The following ENDOD1 variants were observed in gnomAD, a reference collection of about 807,000 sequenced individuals.
The protein encoded by ENDOD1 is endonuclease domain containing 1.
In ENDOD1, 9 loss-of-function variants were observed where a neutral mutation model predicts 6.5. The observed-to-expected ratio is 1.39, with a 90% confidence interval of 0.84 to 2.43. ENDOD1 has a LOEUF of 2.43. Among genes scored for constraint, ENDOD1 ranks in the 30% most tolerant of loss-of-function variants. The pLI, the probability that ENDOD1 is intolerant of heterozygous loss-of-function variation, is 0.00. For missense variants in ENDOD1, 648 were observed against 635.5 expected, an observed-to-expected ratio of 1.02 and a Z score of -0.21; for synonymous variants, 255 against 255.2, an observed-to-expected ratio of 1.00 and a Z score of 0.01.
At chr11:95,091,198 C>G (rs1008188022) in intron 1 of ENDOD1, among the ~76,000 whole-genome samples, 30 of 152,302 alleles carry the variant, frequency 2.0e-4, no homozygotes, top group African/African-American at 6.3e-4. Context: ...GCCTCCCACC[C>G]CTGCCCAGGC....
chr11:95,126,941 C>T (rs1399032797), intron 1 of ENDOD1, among the ~76,000 whole-genome samples: 1 of 152,162 alleles, frequency 6.6e-6, no homozygotes, highest in East Asian at 1.9e-4. Context: ...CTGCCTCGGC[C>T]TCTCAAAGTG....
At chr11:95,091,912 A>G (rs532915563) in intron 1 of ENDOD1, among the ~76,000 whole-genome samples, 2 of 152,176 alleles carry the variant, frequency 1.3e-5, no homozygotes, top group African/African-American at 4.8e-5. Context: ...AGATAATAGC[A>G]TAGGGTGGTG....
rs746458945 is a variant in ENDOD1 at position 95,128,716 on chromosome 11, G to A, written c.640G>A (p.Ala214Thr). 2 of 1,614,204 alleles carry A rather than the reference G, an allele frequency of 1.2e-6. No individual in the cohort carries two copies. The highest frequency in any genetic ancestry group is 1.7e-6 in the Non-Finnish European group (2 of 1,180,042). The change falls in exon 2 of 2, where the codon GCA (alanine) becomes ACA (threonine). Residue 214 changes from alanine (A) to threonine (T), a missense_variant. By Grantham distance (58) the Ala-to-Thr change is moderately conservative. Transcript: ENST00000278505. The part of the protein sequence containing the change: ...PSDYRVKDKV[A>T]VPEFVWLAAC... ...AGACTACAGAGTTAAAGACAAAGTG[G>A]CAGTCCCTGAGTTTGTTTGGCTGGC...
At position 95,099,315 on chromosome 11, in the gene ENDOD1, G is replaced by A. The variant is rs190474844; in HGVS notation, c.300+9088G>A. Among the ~76,000 whole-genome samples, 6 of 152,374 alleles carry A rather than the reference G, an allele frequency of 3.9e-5. No homozygotes were observed. In the East Asian group the frequency reaches 1.2e-3, roughly 29 times the overall value. On this transcript the variant is annotated intron_variant, in intron 1 of 1. Coordinates refer to ENST00000278505, the MANE Select transcript of ENDOD1 (RefSeq NM_015036.3). ...CGGAGATAAGAGGGTAGGGGATAGA[G>A]TCTTGCATCTCTGGGCGTATGGAGA...
At chr11:95,107,897 G>A (rs1859106601) in intron 1 of ENDOD1, among the ~76,000 whole-genome samples, 1 of 152,044 alleles carries the variant, frequency 6.6e-6, no homozygotes, top group Non-Finnish European at 1.5e-5. Context: ...TCGATCTCCT[G>A]ACCTCGTGAT....
At chr11:95,111,055 G>T (rs1420198057) in intron 1 of ENDOD1, among the ~76,000 whole-genome samples, 1 of 152,194 alleles carries the variant, frequency 6.6e-6, no homozygotes, top group Non-Finnish European at 1.5e-5. Context: ...AGCGAGCAGT[G>T]TTGGTACTGG....
intron 1 of ENDOD1, among the ~76,000 whole-genome samples, chr11:95,117,926 G>A (rs141232540): frequency 0.016 from 2,371 of 152,088 alleles, 55 homozygotes; most frequent in African/African-American, 0.054. Context: ...TGTATCTGCT[G>A]TATATTTTTT....
rs143051076 is a variant in ENDOD1 at position 95,128,994 on chromosome 11, T to C, written c.918T>C (p.Ser306=). The stretch of plus-strand genomic sequence containing the variant: ...CTCAAAAGAGTTCTAGTCCCCTTTC[T>C]AGCACCAGGAGCAAGAGGTCTACTC... ...VQSQKSSSPL[S]STRSKRSTLL... Residue 306 remains serine, a synonymous_variant, in exon 2 of 2, where the codon TCT becomes TCC. Coordinates refer to ENST00000278505, the MANE Select transcript of ENDOD1 (RefSeq NM_015036.3). 19 of 1,613,966 alleles carry C rather than the reference T, an allele frequency of 1.2e-5. No homozygotes were observed. The East Asian group carries it at 4.0e-4, about 34-fold the overall frequency.
intron 1 of ENDOD1, among the ~76,000 whole-genome samples, chr11:95,096,704 C>T (rs1858988523): frequency 6.6e-6 from 1 of 152,132 alleles, no homozygotes; most frequent in African/African-American, 2.4e-5. Flanking sequence ...TAAGAAAGCC[C>T]TGAGCCCTCT....
At chr11:95,119,526 C>G (rs1269351547) in intron 1 of ENDOD1, among the ~76,000 whole-genome samples, 1 of 152,244 alleles carries the variant, frequency 6.6e-6, no homozygotes, top group African/African-American at 2.4e-5. Context: ...CAGAGTCTCT[C>G]TCTCTGGTCT....
intron 1 of ENDOD1, among the ~76,000 whole-genome samples, chr11:95,113,013 A>G (rs1859165144): frequency 6.6e-6 from 1 of 150,858 alleles, no homozygotes; most frequent in Admixed American, 6.6e-5. Flanking sequence ...TGGGCAAATT[A>G]CTGAAGCTTT....
chr11:95,095,296 A>G (rs1472801732), intron 1 of ENDOD1, among the ~76,000 whole-genome samples: 1 of 76,994 alleles, frequency 1.3e-5, no homozygotes, highest in Non-Finnish European at 3.8e-5. Context: ...AACAGGTACC[A>G]AAGACATCTC....
chr11:95,099,154 G>C (rs1186520095), intron 1 of ENDOD1, among the ~76,000 whole-genome samples: 1 of 152,100 alleles, frequency 6.6e-6, no homozygotes, highest in Non-Finnish European at 1.5e-5. Context: ...GATCCATCTT[G>C]AGCTCTTCCT....
intron 1 of ENDOD1, among the ~76,000 whole-genome samples, chr11:95,094,141 T>C (rs1858958010): frequency 6.7e-6 from 1 of 148,284 alleles, no homozygotes; most frequent in Non-Finnish European, 1.5e-5. Context: ...AATTAATATA[T>C]TATACATATT....
intron 1 of ENDOD1, among the ~76,000 whole-genome samples, chr11:95,125,434 C>T (rs1859301926): frequency 6.6e-6 from 1 of 151,792 alleles, no homozygotes; most frequent in Admixed American, 6.6e-5. Context: ...AATGAATGAG[C>T]TTCTTTATTA....
At chr11:95,122,599 C>CAG (rs1205236200) in intron 1 of ENDOD1, among the ~76,000 whole-genome samples, 3 of 149,710 alleles carry the variant, frequency 2.0e-5, no homozygotes, top group African/African-American at 7.3e-5. Flanking sequence ...TACACACACA[C>CAG]ACACACACAC....
intron 1 of ENDOD1, among the ~76,000 whole-genome samples, chr11:95,119,149 C>T (rs1555112727): frequency 6.6e-6 from 1 of 152,180 alleles, no homozygotes; most frequent in South Asian, 2.1e-4. Context: ...ATCTCTGTTT[C>T]TCCAGGATTG....
intron 1 of ENDOD1, among the ~76,000 whole-genome samples, chr11:95,099,661 A>G (rs942472194): frequency 3.9e-5 from 6 of 152,230 alleles, no homozygotes; most frequent in African/African-American, 9.6e-5. Flanking sequence ...CTCAGAACGT[A>G]TACCTCCTTG....
intron 1 of ENDOD1, among the ~76,000 whole-genome samples, chr11:95,105,617 G>C (rs1190144463): frequency 1.3e-5 from 2 of 152,028 alleles, no homozygotes; most frequent in African/African-American, 4.8e-5. Context: ...TCCCCTCCCT[G>C]TGTCCATGTG....
Sources: allele counts gnomAD v4.1 joint callset (sites outside exome capture counted in the v4.1 genomes callset), GRCh38; gene constraint gnomAD v4.1.1; transcripts MANE v1.5; gene names NCBI Gene and HGNC (gene_info 2026-07-23, HGNC 2026-07-21).